The following ATF7IP2 variants were observed in gnomAD, a reference collection of about 807,000 sequenced individuals.
The protein encoded by ATF7IP2 is activating transcription factor 7 interacting protein 2, also known as activating transcription factor 7-interacting protein 2.
A neutral mutation model predicts 64.2 loss-of-function variants in ATF7IP2; 42 were observed. The ratio of observed to expected loss-of-function variants is 0.65; its 90% CI spans 0.51 to 0.85. ATF7IP2 has a LOEUF of 0.85. Among genes scored for constraint, ATF7IP2 ranks in the 40% least tolerant of loss-of-function variants. ATF7IP2 has a pLI of 0.00. For missense variants in ATF7IP2, 933 were observed against 784.2 expected (o/e 1.19, Z -2.27); for synonymous variants, 308 against 272.8 (o/e 1.13, Z -1.27).
rs543149339 is a variant in ATF7IP2 at position 10,475,225 on chromosome 16, A to T, written c.1549+1236A>T. 3.3e-5 allele frequency among the ~76,000 whole-genome samples: 5 copies of T among 152,354 alleles called. No homozygotes were observed. In the East Asian group the frequency reaches 7.7e-4, roughly 24 times the overall value. ...GAAAACAGTAGTGCAAAAGATAGTC[A>T]CAGGATTGGAAGTATGCTGTTACAA... On this transcript the variant is annotated intron_variant, in intron 12 of 13. Coordinates refer to ENST00000562102, the MANE Select transcript of ATF7IP2 (RefSeq NM_001393719.1).
At chr16:10,423,944 T>C (rs1169886276) in intron 3 of ATF7IP2, among the ~76,000 whole-genome samples, 2 of 152,030 alleles carry the variant, frequency 1.3e-5, no homozygotes, top group Admixed American at 6.6e-5. Flanking sequence ...AAATATAGAG[T>C]GTGGAGCAGG....
chr16:10,423,432 T>C (rs2048025358), intron 3 of ATF7IP2, among the ~76,000 whole-genome samples: 1 of 152,200 alleles, frequency 6.6e-6, no homozygotes, highest in Non-Finnish European at 1.5e-5. Context: ...GTAGCTATGA[T>C]ATTTCCCTGT....
chr16:10,443,751 T>C (rs552880746), intron 8 of ATF7IP2, among the ~76,000 whole-genome samples: 1 of 152,080 alleles, frequency 6.6e-6, no homozygotes, highest in Admixed American at 6.5e-5. Flanking sequence ...GGCTATAGGG[T>C]CCCTTCCAGC....
At chr16:10,439,866 ATAT>A (rs2048553917) in intron 7 of ATF7IP2, among the ~76,000 whole-genome samples, 1 of 151,418 alleles carries the variant, frequency 6.6e-6, no homozygotes, top group African/African-American at 2.4e-5. Flanking sequence ...CTTACCTTTA[ATAT>A]TATACAAGCA....
At chr16:10,476,205 A>C (rs1205647821) in intron 12 of ATF7IP2, among the ~76,000 whole-genome samples, 1 of 152,238 alleles carries the variant, frequency 6.6e-6, no homozygotes, top group African/African-American at 2.4e-5. Flanking sequence ...CTAAAATAAT[A>C]AACTCCTTAC....
intron 1 of ATF7IP2, among the ~76,000 whole-genome samples, chr16:10,412,002 C>CTTTTTTTGGGT (rs1567435060): frequency 7.5e-5 from 1 of 13,412 alleles, no homozygotes; most frequent in African/African-American, 2.9e-4. Context: ...TTTCATTTAT[C>CTTTTTTTGGGT]TTTTTTTGTT....
intron 9 of ATF7IP2, among the ~76,000 whole-genome samples, chr16:10,471,170 A>ATT (rs373292056): frequency 0.013 from 1,984 of 152,296 alleles, 28 homozygotes; most frequent in Middle Eastern, 0.031. Context: ...ATAAACAAAA[A>ATT]TTAACTCAAA....
Position 10,482,111 on chromosome 16 carries a change from C to A in ATF7IP2, c.1911C>A (p.Leu637=). 6.2e-7 allele frequency: 1 copy of A among 1,614,058 alleles called. No individual in the cohort carries two copies. Among genetic ancestry groups the A allele is most frequent in the Non-Finnish European group, 8.5e-7 (1 of 1,179,934 alleles). Residue 637 remains leucine, a synonymous_variant, in exon 14 of 14, where the codon CTC becomes CTA. Coordinates refer to ENST00000562102, the MANE Select transcript of ATF7IP2 (RefSeq NM_001393719.1). ...TTGGAGAAATTAAAGCTTTACCACTCCCCATGGCCTGTACTTTATCTCAGT... is the reference window on the plus strand; with the variant it reads ...TTGGAGAAATTAAAGCTTTACCACTACCCATGGCCTGTACTTTATCTCAGT... ...KKIGEIKALP[L]PMACTLSQFL...
At chr16:10,400,230 G>T (rs1567426394) in intron 1 of ATF7IP2, among the ~76,000 whole-genome samples, 1 of 151,998 alleles carries the variant, frequency 6.6e-6, no homozygotes, top group Non-Finnish European at 1.5e-5. Context: ...TAGTAGAGAT[G>T]GGGTTTCACC....
chr16:10,433,691 G>A (rs1323448912), intron 6 of ATF7IP2, 42 bp downstream of exon 6: 1 of 1,593,128 alleles, frequency 6.3e-7, no homozygotes, highest in South Asian at 1.1e-5. Context: ...CTTTTGATTA[G>A]TAAAACATGG....
At chr16:10,406,409 C>T (rs6497963) in intron 1 of ATF7IP2, among the ~76,000 whole-genome samples, 119,896 of 152,096 alleles carry the variant, frequency 0.79, 47,998 homozygotes, top group African/African-American at 0.93. Context: ...CCCAGCCAAC[C>T]TAAAATAATT....
chr16:10,463,580 C>A (rs1444222936), intron 9 of ATF7IP2, among the ~76,000 whole-genome samples: 1 of 152,180 alleles, frequency 6.6e-6, no homozygotes, highest in African/African-American at 2.4e-5. Context: ...CCGTTTTAGG[C>A]TCTGACCCCC....
intron 6 of ATF7IP2, among the ~76,000 whole-genome samples, chr16:10,436,631 A>C (rs1376940322): frequency 1.3e-5 from 2 of 152,184 alleles, no homozygotes; most frequent in Non-Finnish European, 2.9e-5. Flanking sequence ...TCAATATAAG[A>C]GTTTAACGTA....
intron 12 of ATF7IP2, among the ~76,000 whole-genome samples, chr16:10,475,725 A>G (rs1347369557): frequency 6.8e-6 from 1 of 148,102 alleles, no homozygotes; most frequent in Admixed American, 6.7e-5. Flanking sequence ...GAAGCCAGAA[A>G]AAAAAAAAAA....
chr16:10,457,117 C>T (rs1446520669), intron 8 of ATF7IP2, among the ~76,000 whole-genome samples: 1 of 152,066 alleles, frequency 6.6e-6, no homozygotes, highest in Non-Finnish European at 1.5e-5. Context: ...TGTCTAAGTA[C>T]CTGAACATTT....
chr16:10,443,598 T>G (rs2048703713), intron 8 of ATF7IP2, among the ~76,000 whole-genome samples: 1 of 152,246 alleles, frequency 6.6e-6, no homozygotes, highest in Non-Finnish European at 1.5e-5. Context: ...AAGTCTGTTT[T>G]AAATCTTTTA....
rs139024935 is a variant in ATF7IP2 at position 10,456,697 on chromosome 16, T to C, written c.1195-675T>C. 2.5e-3 allele frequency among the ~76,000 whole-genome samples: 377 copies of C among 152,238 alleles called. 1 individual carries two copies. Among genetic ancestry groups the C allele is most frequent in the African/African-American group, 7.8e-3 (326 of 41,548 alleles). ...CCACTGCAATGGATTGGGCCTGCCA[T>C]TGCCCCAGATGTCAGATGAGCACCC... On this transcript the variant is annotated intron_variant, in intron 8 of 13. Transcript: ENST00000562102.
chr16:10,479,648 T>A (rs1421152780), intron 12 of ATF7IP2, among the ~76,000 whole-genome samples: 3 of 150,574 alleles, frequency 2.0e-5, no homozygotes, highest in Non-Finnish European at 4.4e-5. Flanking sequence ...ACTTAAAGTA[T>A]AATAATAATT....
intron 1 of ATF7IP2, among the ~76,000 whole-genome samples, chr16:10,411,389 T>C: frequency 6.8e-6 from 1 of 147,030 alleles, no homozygotes. Flanking sequence ...GTTGTTGTTG[T>C]TGTTTTGTTT....
Sources: gnomAD v4.1 joint callset for allele counts (sites outside exome capture counted in the v4.1 genomes callset) on GRCh38, gnomAD v4.1.1 for gene constraint, MANE v1.5 for transcripts, NCBI Gene and HGNC (gene_info 2026-07-23, HGNC 2026-07-21) for gene names.